The following DUSP14 variants were observed in gnomAD, a reference collection of about 807,000 sequenced individuals.
DUSP14 encodes dual specificity phosphatase 14.
DUSP14 carries 5 observed loss-of-function variants against 13.2 expected under a neutral mutation model. The ratio of observed to expected loss-of-function variants is 0.38; its 90% CI spans 0.20 to 0.80. The LOEUF is 0.80. DUSP14 is among the 30% of genes least tolerant of loss of function. The pLI, the probability that DUSP14 is intolerant of heterozygous loss-of-function variation, is 0.44. For synonymous variants in DUSP14, 91 were observed against 103.4 expected, an observed-to-expected ratio of 0.88 and a Z score of 0.73; for missense variants, 185 against 264.0, an observed-to-expected ratio of 0.70 and a Z score of 2.07.
In DUSP14 at chr17:37,513,242, T is replaced by TA. The variant is rs1555697845; in HGVS notation, c.*374dup. The TA allele has an allele frequency of 9.3e-6, 2 of 214,912 alleles. No homozygotes were observed. The highest frequency in any genetic ancestry group is 3.0e-4 in the South Asian group (2 of 6,720). 13.3% of individuals were successfully genotyped at this position (214,912 alleles called of 1,614,324 possible). A position where few individuals can be genotyped will look rare whatever the true frequency, so the allele number is the denominator to read the frequency against. On this transcript the variant is annotated 3_prime_UTR_variant, in exon 3 of 3. Transcript: ENST00000617516. Reference sequence around the variant, plus strand: ...TCACTTTGGGGCCTCATTAACCCTTTAGAGACAAGCTTTGCCCCAGGCTGC... The same window carrying TA: ...TCACTTTGGGGCCTCATTAACCCTTTAAGAGACAAGCTTTGCCCCAGGCTGC...
In DUSP14 at chr17:37,509,007, A is replaced by G. The variant is rs1175519409; in HGVS notation, c.-180-1670A>G. Among the ~76,000 whole-genome samples, 3 of 142,690 alleles carry G rather than the reference A, an allele frequency of 2.1e-5. No homozygotes were observed. The East Asian group carries it at 6.2e-4, about 29-fold the overall frequency. The allele number at this position is 142,690 out of a possible 152,430, so 93.6% of individuals were successfully genotyped here. A position where few individuals can be genotyped will look rare whatever the true frequency, so the allele number is the denominator to read the frequency against. ...ACAGAGTGTGGTGTATCTACACAGC[A>G]GAGTACTTAAGAAGTGAGCTGTTGA... On this transcript the variant is annotated intron_variant, in intron 1 of 2. Coordinates refer to ENST00000617516, the MANE Select transcript of DUSP14 (RefSeq NM_007026.4).
At chr17:37,503,002 C>G (rs2054115024) in intron 1 of DUSP14, among the ~76,000 whole-genome samples, 1 of 152,168 alleles carries the variant, frequency 6.6e-6, no homozygotes, top group Non-Finnish European at 1.5e-5. Context: ...TCCCAAAGTG[C>G]TGGGATTACA....
Position 37,493,182 on chromosome 17 carries a change from T to C in DUSP14, c.-181+3224T>C, listed in dbSNP as rs139938761. Reference sequence around the variant, plus strand: ...CTCACTATATTGCCCAGGCTGGTCTTGAACTCCTGGGCTCAAGGGATCCTC... The same window carrying C: ...CTCACTATATTGCCCAGGCTGGTCTCGAACTCCTGGGCTCAAGGGATCCTC... On this transcript the variant is annotated intron_variant, in intron 1 of 2. Transcript: ENST00000617516. Among the ~76,000 whole-genome samples, 214 of 152,258 alleles carry C rather than the reference T, an allele frequency of 1.4e-3. 1 individual carries two copies. Among genetic ancestry groups the C allele is most frequent in the Non-Finnish European group, 2.7e-3 (181 of 68,012 alleles).
chr17:37,508,889 C>T (rs981614145), intron 1 of DUSP14, among the ~76,000 whole-genome samples: 2 of 148,006 alleles, frequency 1.4e-5, no homozygotes, highest in African/African-American at 5.0e-5. Context: ...CATATGTACG[C>T]ACAAAGACCT....
In DUSP14 at chr17:37,512,039, A is replaced by G; in HGVS notation, c.-92-142A>G. The G allele has an allele frequency of 2.5e-6, 1 of 393,212 alleles. No homozygotes were observed. Among genetic ancestry groups the G allele is most frequent in the Non-Finnish European group, 4.5e-6 (1 of 224,390 alleles). 24.4% of individuals were successfully genotyped at this position (393,212 alleles called of 1,614,324 possible). A position where few individuals can be genotyped will look rare whatever the true frequency, so the allele number is the denominator to read the frequency against. ...ACTTTTCCCAACTGTTAATTGATAGAAAATGATTTGTCTGTATCCTTGAAA... is the reference window on the plus strand; with the variant it reads ...ACTTTTCCCAACTGTTAATTGATAGGAAATGATTTGTCTGTATCCTTGAAA... On this transcript the variant is annotated intron_variant, in intron 2 of 2. Transcript: ENST00000617516. This position sits in a 1 kb window ranked among gnomAD's most constrained non-coding sequence, Gnocchi z 4.8.
chr17:37,513,062 A>G lies in DUSP14; in HGVS notation c.*193A>G, dbSNP rs774148743. 6 of 555,360 alleles carry G rather than the reference A, an allele frequency of 1.1e-5. No individual in the cohort carries two copies. The highest frequency in any genetic ancestry group is 1.9e-5 in the Non-Finnish European group (6 of 307,924). The allele number at this position is 555,360 out of a possible 1,614,324, so 34.4% of individuals were successfully genotyped here. A position where few individuals can be genotyped will look rare whatever the true frequency, so the allele number is the denominator to read the frequency against. On this transcript the variant is annotated 3_prime_UTR_variant, in exon 3 of 3. Transcript: ENST00000617516. The stretch of plus-strand genomic sequence containing the variant: ...AGGGAATGCATACATTGCTAGTCAC[A>G]TTTTTAAAATTAACATTTTGGAATA...
chr17:37,490,119 T>C (rs853199), intron 1 of DUSP14, among the ~76,000 whole-genome samples, 161 bp downstream of exon 1: 108,161 of 151,264 alleles, frequency 0.72, 39,149 homozygotes, highest in East Asian at 0.97. Context: ...ACCTGCTCCC[T>C]GGCGGTCCTT....
At chr17:37,490,258 C>T (rs1294305143) in intron 1 of DUSP14, among the ~76,000 whole-genome samples, 1 of 152,012 alleles carries the variant, frequency 6.6e-6, no homozygotes, top group African/African-American at 2.4e-5. Context: ...GTCCCTGTGC[C>T]CCGGGGCTCC....
chr17:37,496,751 TCAAA>T (rs916252964), intron 1 of DUSP14, among the ~76,000 whole-genome samples: 15 of 151,662 alleles, frequency 9.9e-5, no homozygotes, highest in Non-Finnish European at 2.2e-4. Flanking sequence ...AGATTCCATC[TCAAA>T]CAAACAAAAA....
At chr17:37,488,894 C>G (rs1174347198), upstream of DUSP14, among the ~76,000 whole-genome samples, 3 of 152,194 alleles carry the variant, frequency 2.0e-5, no homozygotes, top group African/African-American at 7.2e-5. Flanking sequence ...CCCATGCCTA[C>G]TCGTTTTGAC....
chr17:37,503,640 TC>T (rs2054119400), intron 1 of DUSP14, among the ~76,000 whole-genome samples: 1 of 152,142 alleles, frequency 6.6e-6, no homozygotes, highest in Non-Finnish European at 1.5e-5. Context: ...AGAATTCAAT[TC>T]CAGATGTGAA....
chr17:37,498,783 A>G (rs1163094482), intron 1 of DUSP14, among the ~76,000 whole-genome samples: 2 of 152,038 alleles, frequency 1.3e-5, no homozygotes, highest in African/African-American at 4.8e-5. Flanking sequence ...ACTCTTAATA[A>G]TATTTTTAGA....
chr17:37,495,339 AC>A (rs2054056387), intron 1 of DUSP14, among the ~76,000 whole-genome samples: 3 of 152,160 alleles, frequency 2.0e-5, no homozygotes, highest in Non-Finnish European at 4.4e-5. Context: ...TCAGCTTTTC[AC>A]ACCCCATGCC....
chr17:37,511,938 C>CTTTTTTTTTTTTTTTTTTTTTTTTTT (rs58893696), intron 2 of DUSP14, among the ~76,000 whole-genome samples: 1 of 38,248 alleles, frequency 2.6e-5, no homozygotes, highest in African/African-American at 1.0e-4. Context: ...CCCCACCCCA[C>CTTTTTTTTTTTTTTTTTTTTTTTTTT]TTTTTTTTTT....
chr17:37,491,532 G>C (rs542720192), intron 1 of DUSP14: 1 of 152,344 alleles, frequency 6.6e-6, no homozygotes, highest in Admixed American at 6.5e-5. Flanking sequence ...CATAAAACTG[G>C]AGACAGTTTC....
Position 37,512,906 on chromosome 17 carries a change from C to G in DUSP14, c.*37C>G. The G allele has an allele frequency of 6.5e-7, 1 of 1,534,100 alleles. No individual in the cohort carries two copies. ...CCTGCGTCAGCAGCCCGAGCGGGGC[C>G]GGCATCTGCTCCCCGCCGTCTGCTC... On this transcript the variant is annotated 3_prime_UTR_variant, in exon 3 of 3. Coordinates refer to ENST00000617516, the MANE Select transcript of DUSP14 (RefSeq NM_007026.4). The surrounding 1 kb of genome is among the most constrained non-coding windows in gnomAD (Gnocchi z 4.8).
chr17:37,511,938 C>CCCCTTTT (rs1568206074), intron 2 of DUSP14, among the ~76,000 whole-genome samples: 1 of 38,248 alleles, frequency 2.6e-5, no homozygotes, highest in Non-Finnish European at 4.6e-5. Context: ...CCCCACCCCA[C>CCCCTTTT]TTTTTTTTTT....
At chr17:37,509,117 A>ATGTATATATATATATG (rs1315485762) in intron 1 of DUSP14, among the ~76,000 whole-genome samples, 1 of 40,832 alleles carries the variant, frequency 2.4e-5, no homozygotes, top group Non-Finnish European at 4.2e-5. Flanking sequence ...ATATATATAT[A>ATGTATATATATATATG]TATATATATA....
intron 1 of DUSP14, among the ~76,000 whole-genome samples, chr17:37,507,435 T>G (rs1306255370): frequency 6.6e-6 from 1 of 152,226 alleles, no homozygotes; most frequent in Middle Eastern, 3.2e-3. Context: ...CTCCTTTGCC[T>G]CAGGAAGGCA....
Sources: allele counts gnomAD v4.1 joint callset (sites outside exome capture counted in the v4.1 genomes callset), GRCh38; gene constraint gnomAD v4.1.1; non-coding constraint Gnocchi (gnomAD v3.1); transcripts MANE v1.5; gene names NCBI Gene and HGNC (gene_info 2026-07-23, HGNC 2026-07-21).